Variants in JAKMIP2 observed in about 807,000 individuals in gnomAD.
The protein encoded by JAKMIP2 is janus kinase and microtubule-interacting protein 2.
A neutral mutation model predicts 115.0 loss-of-function variants in JAKMIP2; 25 were observed. The ratio of observed to expected loss-of-function variants is 0.22; its 90% CI spans 0.16 to 0.30. JAKMIP2 has a LOEUF of 0.30. Among genes scored for constraint, JAKMIP2 ranks in the 10% least tolerant of loss-of-function variants. JAKMIP2 has a pLI of 1.00. For missense variants in JAKMIP2, 642 were observed against 957.6 expected (o/e 0.67, Z 4.35); for synonymous variants, 334 against 343.6 (o/e 0.97, Z 0.31).
intron 1 of JAKMIP2, among the ~76,000 whole-genome samples, chr5:147,768,943 A>C (rs1755249048): frequency 6.6e-6 from 1 of 152,120 alleles, no homozygotes; most frequent in South Asian, 2.1e-4. Flanking sequence ...CCTGATCTTT[A>C]TCCCATACAC....
intron 3 of JAKMIP2, among the ~76,000 whole-genome samples, chr5:147,659,745 C>A (rs1178864117): frequency 6.6e-6 from 1 of 152,148 alleles, no homozygotes; most frequent in African/African-American, 2.4e-5. Context: ...AGGGCAGAGA[C>A]CGATATTTCT....
rs1293859260 is a variant in JAKMIP2 at position 147,674,973 on chromosome 5, C to G, written c.-148-3019G>C. Reference sequence around the variant, plus strand: ...TCAACAGATAAAAAGAAAGTGGCAACTTTGACACATGGAGTCACTGATGGA... The same window carrying G: ...TCAACAGATAAAAAGAAAGTGGCAAGTTTGACACATGGAGTCACTGATGGA... On this transcript the variant is annotated intron_variant, in intron 1 of 21. Transcript: ENST00000616793. Among the ~76,000 whole-genome samples the G allele has an allele frequency of 2.0e-5, 3 of 152,158 alleles. No individual in the cohort carries two copies. The East Asian group carries it at 5.8e-4, about 29-fold the overall frequency.
At chr5:147,772,678 G>A (rs1755407144) in intron 1 of JAKMIP2, among the ~76,000 whole-genome samples, 1 of 151,636 alleles carries the variant, frequency 6.6e-6, no homozygotes, top group African/African-American at 2.4e-5. Flanking sequence ...ATTTCACTCA[G>A]GTTTACAAAC....
chr5:147,755,263 C>A (rs1370630293), intron 1 of JAKMIP2, among the ~76,000 whole-genome samples: 2 of 151,066 alleles, frequency 1.3e-5, no homozygotes, highest in Non-Finnish European at 3.0e-5. Flanking sequence ...ATTAGGATGT[C>A]CCCCCTTTTG....
chr5:147,702,603 G>GGAAAGAAAGAAA (rs67153684), intron 1 of JAKMIP2, among the ~76,000 whole-genome samples: 39 of 91,826 alleles, frequency 4.2e-4, no homozygotes, highest in East Asian at 7.2e-4. Context: ...AAAGAAAGAA[G>GGAAAGAAAGAAA]GAAAGAAAGA....
intron 13 of JAKMIP2, among the ~76,000 whole-genome samples, 180 bp from the exon 14 acceptor site, chr5:147,631,691 G>C (rs1447089592): frequency 6.6e-6 from 1 of 152,178 alleles, no homozygotes; most frequent in Non-Finnish European, 1.5e-5. Flanking sequence ...AGTCAACTAA[G>C]AGATTGAGAA....
chr5:147,721,976 C>T (rs1753329366), intron 1 of JAKMIP2, among the ~76,000 whole-genome samples: 1 of 152,068 alleles, frequency 6.6e-6, no homozygotes. Context: ...GAAGCAGTCT[C>T]CCTAGAGTAT....
At chr5:147,669,677 C>A (rs540141540) in intron 2 of JAKMIP2, among the ~76,000 whole-genome samples, 5 of 152,254 alleles carry the variant, frequency 3.3e-5, no homozygotes, top group African/African-American at 1.2e-4. Context: ...AGTCTGCCTC[C>A]CTTGAAGTGT....
intron 1 of JAKMIP2, among the ~76,000 whole-genome samples, chr5:147,703,488 G>T (rs1260411487): frequency 6.6e-6 from 1 of 151,986 alleles, no homozygotes; most frequent in Non-Finnish European, 1.5e-5. Flanking sequence ...TGAAGACCTA[G>T]TCATCACTGT....
chr5:147,764,920 AAGAGAG>A (rs531656100), intron 1 of JAKMIP2, among the ~76,000 whole-genome samples: 10 of 39,490 alleles, frequency 2.5e-4, no homozygotes, highest in South Asian at 1.9e-3. Flanking sequence ...GAAAGAAAGA[AAGAGAG>A]AGAGAGAGAG....
chr5:147,690,539 T>TTATATA (rs58086292), intron 1 of JAKMIP2, among the ~76,000 whole-genome samples: 53 of 92,260 alleles, frequency 5.7e-4, no homozygotes, highest in Admixed American at 1.0e-3. Context: ...ACTAAAGAGA[T>TTATATA]TATATATATA....
intron 1 of JAKMIP2, among the ~76,000 whole-genome samples, chr5:147,755,220 TAAATA>T (rs1754700981): frequency 6.6e-6 from 1 of 152,154 alleles, no homozygotes; most frequent in African/African-American, 2.4e-5. Flanking sequence ...ACAACAGTCT[TAAATA>T]AGGATACTGG....
chr5:147,651,126 C>G (rs1161342744), intron 3 of JAKMIP2, among the ~76,000 whole-genome samples: 5 of 151,824 alleles, frequency 3.3e-5, no homozygotes, highest in African/African-American at 1.2e-4. Flanking sequence ...TCTTTCTGTT[C>G]TCACTTGTAT....
At chr5:147,766,840 C>T (rs778752087) in intron 1 of JAKMIP2, among the ~76,000 whole-genome samples, 4 of 152,108 alleles carry the variant, frequency 2.6e-5, no homozygotes, top group African/African-American at 4.8e-5. Flanking sequence ...CCTGAATGTG[C>T]AAGTGCAAAT....
At chr5:147,666,783 G>T (rs1196575795) in intron 2 of JAKMIP2, among the ~76,000 whole-genome samples, 2 of 152,108 alleles carry the variant, frequency 1.3e-5, no homozygotes, top group South Asian at 2.1e-4. Flanking sequence ...TGAAAACTGG[G>T]ATTGTCGATA....
rs1416389410 is a variant in JAKMIP2, at chr5:147,588,277, AT to A, written c.*3429del. ...TATGTTTATTTTCCAGGGTATGAAT[AT>A]TTTATTGAGAAAAATTAAGTTAATG... is the stretch of plus-strand genomic sequence containing the variant. On this transcript the variant is annotated 3_prime_UTR_variant, in exon 22 of 22. Coordinates refer to ENST00000616793, the MANE Select transcript of JAKMIP2 (RefSeq NM_001270941.2). 2.0e-5 allele frequency: 3 copies of A among 152,034 alleles called. No homozygotes were observed. Among genetic ancestry groups the A allele is most frequent in the African/African-American group, 7.2e-5 (3 of 41,404 alleles). 9.4% of individuals were successfully genotyped at this position (152,034 alleles called of 1,614,324 possible).
chr5:147,697,007 G>A (rs1325761530), intron 1 of JAKMIP2, among the ~76,000 whole-genome samples: 2 of 152,120 alleles, frequency 1.3e-5, no homozygotes, highest in African/African-American at 4.8e-5. Context: ...TTTGCAGGCT[G>A]ATGATGCAAT....
intron 1 of JAKMIP2, among the ~76,000 whole-genome samples, chr5:147,767,138 A>G (rs1561584217): frequency 6.6e-6 from 1 of 152,194 alleles, no homozygotes; most frequent in Non-Finnish European, 1.5e-5. Flanking sequence ...GTACAGCTTG[A>G]ATTTAATGAC....
chr5:147,660,781 G>T (rs2126779566), intron 3 of JAKMIP2, 167 bp downstream of exon 3: 3 of 716,746 alleles, frequency 4.2e-6, no homozygotes, highest in South Asian at 3.9e-5. Flanking sequence ...TCTCTCGATT[G>T]ATCTACCTAC....
Sources: gnomAD v4.1 joint callset for allele counts (sites outside exome capture counted in the v4.1 genomes callset) on GRCh38, gnomAD v4.1.1 for gene constraint, MANE v1.5 for transcripts, NCBI Gene and HGNC (gene_info 2026-07-23, HGNC 2026-07-21) for gene names.